The following PPFIA1 variants were observed in gnomAD, a reference collection of about 807,000 sequenced individuals.
The protein encoded by PPFIA1 is PPFI scaffold protein A1, also known as liprin-alpha-1.
PPFIA1 carries 25 observed loss-of-function variants against 149.9 expected under a neutral mutation model. That is an observed-to-expected ratio of 0.17 (90% CI 0.12 to 0.23). The LOEUF is 0.23. Ranked by LOEUF, PPFIA1 falls within the 10% of genes least tolerant of loss-of-function variation. PPFIA1 has a pLI of 1.00. For missense variants in PPFIA1, 1,362 were observed against 1,506.5 expected, an observed-to-expected ratio of 0.90 and a Z score of 1.59; for synonymous variants, 549 against 552.8, an observed-to-expected ratio of 0.99 and a Z score of 0.10.
At chr11:70,376,439 G>C (rs1234193718) in intron 24 of PPFIA1, 93 bp from the exon 25 acceptor site, 40 of 1,276,590 alleles carry the variant, frequency 3.1e-5, no homozygotes, top group Non-Finnish European at 4.6e-5. Context: ...CAGTGAGGGA[G>C]TTTAAGTCTT....
At chr11:70,290,685 G>A (rs1443821141) in intron 2 of PPFIA1, among the ~76,000 whole-genome samples, 1 of 152,094 alleles carries the variant, frequency 6.6e-6, no homozygotes, top group East Asian at 1.9e-4. Flanking sequence ...CTGAAAATTT[G>A]GGAGCTTGAA....
rs199953025 is a variant in PPFIA1 at position 70,381,947 on chromosome 11, CCACT to C, written c.3551-138_3551-135del. On this transcript the variant is annotated intron_variant, in intron 26 of 27. Coordinates refer to ENST00000253925, the MANE Select transcript of PPFIA1 (RefSeq NM_003626.5). ...TTGGATCTCTCTGGCTCCATCCCGC[CCACT>C]CAGGCAGCTCCCCTCAGGTCCCTCC... is the stretch of plus-strand genomic sequence containing the variant. 6,344 of 664,836 alleles carry C rather than the reference CCACT, an allele frequency of 9.5e-3. 320 individuals carry two copies. In the African/African-American group the frequency reaches 0.1, roughly 11 times the overall value. 41.2% of individuals were successfully genotyped at this position (664,836 alleles called of 1,614,324 possible).
rs150469769 is a variant in PPFIA1 at position 70,343,607 on chromosome 11, T to C, written c.1708-62T>C. The C allele has an allele frequency of 2.6e-3, 3,763 of 1,442,530 alleles. 13 individuals carry two copies. Among genetic ancestry groups the C allele is most frequent in the Non-Finnish European group, 3.2e-3 (3,282 of 1,033,548 alleles). 89.4% of individuals were successfully genotyped at this position (1,442,530 alleles called of 1,614,324 possible). On this transcript the variant is annotated intron_variant, in intron 14 of 27. Coordinates refer to ENST00000253925, the MANE Select transcript of PPFIA1 (RefSeq NM_003626.5). ...AAAGAATTCCTAAATTTCCGATAGATTTATGTTTCTACAACTAATGTTGTT... is the reference window on the plus strand; with the variant it reads ...AAAGAATTCCTAAATTTCCGATAGACTTATGTTTCTACAACTAATGTTGTT...
intron 2 of PPFIA1, among the ~76,000 whole-genome samples, chr11:70,318,449 T>TA (rs1253721897): frequency 6.6e-6 from 1 of 152,200 alleles, no homozygotes; most frequent in Non-Finnish European, 1.5e-5. Context: ...TCACTTGACT[T>TA]ACCTGCTTTC....
intron 2 of PPFIA1, among the ~76,000 whole-genome samples, chr11:70,293,942 CTT>C (rs35307008): frequency 9.4e-5 from 12 of 128,116 alleles, no homozygotes; most frequent in Admixed American, 1.6e-4. Context: ...CTCTCTCTCT[CTT>C]TTTTTTTTTT....
At chr11:70,330,032 C>T in intron 7 of PPFIA1, 141 bp from the exon 8 acceptor site, 1 of 692,420 alleles carries the variant, frequency 1.4e-6, no homozygotes, top group Non-Finnish European at 2.3e-6. Flanking sequence ...TAGGAGTGAG[C>T]TGCTGTATCT....
intron 2 of PPFIA1, among the ~76,000 whole-genome samples, chr11:70,277,294 C>T (rs1171333230): frequency 6.6e-6 from 1 of 151,610 alleles, no homozygotes. Flanking sequence ...GGGATCCAGG[C>T]GTGAGCCACT....
chr11:70,288,973 T>G lies in PPFIA1; in HGVS notation c.264+16537T>G, dbSNP rs562894849. Among the ~76,000 whole-genome samples, 213 of 150,802 alleles carry G rather than the reference T, an allele frequency of 1.4e-3. 2 individuals are homozygous for G. Among genetic ancestry groups the G allele is most frequent in the African/African-American group, 5.0e-3 (206 of 41,168 alleles). ...ACGGGGGTAGCATCTGGTTGTTTTT[T>G]TTTTTTTTTTTGGGGACGGAGTCTT... On this transcript the variant is annotated intron_variant, in intron 2 of 27. Coordinates refer to ENST00000253925, the MANE Select transcript of PPFIA1 (RefSeq NM_003626.5).
At chr11:70,277,060 A>ATATATATATATTTTTTT in intron 2 of PPFIA1, among the ~76,000 whole-genome samples, 1 of 66,326 alleles carries the variant, frequency 1.5e-5, no homozygotes, top group African/African-American at 1.2e-4. Context: ...ATATATATAT[A>ATATATATATATTTTTTT]TTTTTTTTTT....
chr11:70,321,228 CACCAAA>C (rs2053921717), intron 2 of PPFIA1: 1 of 152,440 alleles, frequency 6.6e-6, no homozygotes, highest in South Asian at 2.1e-4. Flanking sequence ...CCTCACCAGA[CACCAAA>C]TCTGCTGATG....
At chr11:70,377,577 T>A (rs1248161269) in intron 25 of PPFIA1, among the ~76,000 whole-genome samples, 1 of 152,174 alleles carries the variant, frequency 6.6e-6, no homozygotes, top group Non-Finnish European at 1.5e-5. Context: ...GGTGGGAGGA[T>A]GGCTTGAGCC....
chr11:70,335,514 G>A (rs1165994351), intron 10 of PPFIA1, 49 bp from the exon 11 acceptor site: 9 of 1,598,406 alleles, frequency 5.6e-6, no homozygotes, highest in Non-Finnish European at 7.7e-6. Context: ...TTAAAATAAT[G>A]ATCGAGGATT....
chr11:70,337,927 G>A (rs576688928), intron 12 of PPFIA1, among the ~76,000 whole-genome samples: 11 of 152,200 alleles, frequency 7.2e-5, no homozygotes, highest in Admixed American at 4.6e-4. Flanking sequence ...CAGTAGCCAC[G>A]TCTGGCCAGT....
chr11:70,337,474 TTGATGA>T (rs1565413875), intron 12 of PPFIA1, 47 bp downstream of exon 12: 1 of 1,409,290 alleles, frequency 7.1e-7, no homozygotes, highest in Non-Finnish European at 9.8e-7. Flanking sequence ...TTGAACTGAG[TTGATGA>T]TGATGATAGT....
At chr11:70,292,406 G>A (rs2051596116) in intron 2 of PPFIA1, among the ~76,000 whole-genome samples, 1 of 152,238 alleles carries the variant, frequency 6.6e-6, no homozygotes, top group South Asian at 2.1e-4. Context: ...GGCAAGGAGA[G>A]CAGTAGGTTT....
Position 70,343,852 on chromosome 11 carries a change from A to G in PPFIA1, c.1891A>G (p.Met631Val). ...GGCCGACGCGCACACACTAGCCATG[A>G]TGCTTCAGGAGCAGCTGGACGCCAT... ...GQADAHTLAMMLQEQLDAINK... is the reference protein window; with the variant it reads ...GQADAHTLAMVLQEQLDAINK... Residue 631 changes from methionine to valine, a missense_variant, in exon 15 of 28, where the codon ATG (methionine) becomes GTG (valine). This residue lies in a region of PPFIA1 where 733 missense variants were observed against 744.1 expected (regional missense o/e 0.99). Transcript: ENST00000253925. 6.2e-7 allele frequency: 1 copy of G among 1,614,126 alleles called. No homozygotes were observed. The highest frequency in any genetic ancestry group is 1.1e-5 in the South Asian group (1 of 91,078).
intron 2 of PPFIA1, among the ~76,000 whole-genome samples, chr11:70,316,892 C>G (rs969740228): frequency 6.6e-6 from 1 of 152,202 alleles, no homozygotes; most frequent in Non-Finnish European, 1.5e-5. Context: ...ACCTTTCGTT[C>G]AGAAGTGATA....
intron 16 of PPFIA1, 144 bp from the exon 17 acceptor site, chr11:70,354,157 G>C: frequency 1.2e-6 from 1 of 857,930 alleles, no homozygotes; most frequent in East Asian, 2.6e-5. Context: ...TGGCCCTTCA[G>C]AATGGTGCCA....
chr11:70,341,949 C>G (rs758704922), intron 14 of PPFIA1: 1 of 152,466 alleles, frequency 6.6e-6, no homozygotes, highest in Non-Finnish European at 1.5e-5. Context: ...AGAATAGTCC[C>G]GCTGGCAGGG....
Sources: gnomAD v4.1 joint callset for allele counts (sites outside exome capture counted in the v4.1 genomes callset) on GRCh38, gnomAD v4.1.1 for gene constraint, gnomAD v4.1.1 regional missense constraint, MANE v1.5 for transcripts, NCBI Gene and HGNC (gene_info 2026-07-23, HGNC 2026-07-21) for gene names.